The following HNF1B variants were observed in gnomAD, a reference collection of about 807,000 sequenced individuals.
The protein encoded by HNF1B is HNF1 homeobox B, also known as hepatocyte nuclear factor 1-beta.
HNF1B carries 8 observed loss-of-function variants against 61.7 expected under a neutral mutation model. The ratio of observed to expected loss-of-function variants is 0.13; its 90% CI spans 0.08 to 0.23. The LOEUF (loss-of-function observed/expected upper bound fraction) is 0.23, where lower values mean the gene tolerates loss of function less well. Among genes scored for constraint, HNF1B ranks in the 10% least tolerant of loss-of-function variants. The pLI is 1.00. For missense variants in HNF1B, 562 were observed against 714.5 expected (o/e 0.79, Z 2.43); for synonymous variants, 314 against 287.7 (o/e 1.09, Z -0.93).
At chr17:37,729,664 T>C (rs1445918567) in intron 4 of HNF1B, 1 of 152,230 alleles carries the variant, frequency 6.6e-6, no homozygotes, top group Non-Finnish European at 1.5e-5. Context: ...AGCTCGTACA[T>C]CACTAGCATA....
chr17:37,691,333 A>G (rs138574150), intron 8 of HNF1B, among the ~76,000 whole-genome samples: 4 of 152,330 alleles, frequency 2.6e-5, no homozygotes, highest in East Asian at 3.9e-4. Flanking sequence ...ATTAAAAGTC[A>G]TGATTATAAT....
intron 2 of HNF1B, among the ~76,000 whole-genome samples, chr17:37,737,807 T>C (rs1027157719): frequency 6.6e-5 from 10 of 151,962 alleles, no homozygotes; most frequent in Non-Finnish European, 1.0e-4. Flanking sequence ...TGCACTCCAG[T>C]CTGGGTGGCA....
Position 37,744,910 on chromosome 17 carries a change from G to T in HNF1B, c.-26C>A. On this transcript the variant is annotated 5_prime_UTR_variant, in exon 1 of 9. Transcript: ENST00000617811. ...TTTCCAAGGACGGAAAAAGAAGGGG[G>T]TGAGGGGGTGGGTGGGTGCGAGAGA... 1.5e-5 allele frequency: 16 copies of T among 1,049,606 alleles called. No homozygotes were observed. Among genetic ancestry groups the T allele is most frequent in the Non-Finnish European group, 2.0e-5 (14 of 691,748 alleles). 65.0% of individuals were successfully genotyped at this position (1,049,606 alleles called of 1,614,324 possible). A position where few individuals can be genotyped will look rare whatever the true frequency, so the allele number is the denominator to read the frequency against.
intron 4 of HNF1B, chr17:37,731,060 C>T (rs2033665080): frequency 5.3e-6 from 1 of 189,140 alleles, no homozygotes. Flanking sequence ...GACTGACCCC[C>T]ACCAACCCTG....
chr17:37,724,488 T>C (rs565765424), intron 4 of HNF1B, among the ~76,000 whole-genome samples: 6 of 152,276 alleles, frequency 3.9e-5, no homozygotes, highest in Admixed American at 3.3e-4. Context: ...GTCAGCAAAC[T>C]GGTCTGTTGG....
intron 4 of HNF1B, among the ~76,000 whole-genome samples, chr17:37,723,944 T>G (rs1238132181): frequency 6.6e-6 from 1 of 152,176 alleles, no homozygotes; most frequent in Non-Finnish European, 1.5e-5. Context: ...CACACAGCAG[T>G]AAGTGCCAAA....
At position 37,710,562 on chromosome 17, in the gene HNF1B, G is replaced by C. The variant is rs1371242929; in HGVS notation, c.1147C>G (p.Gln383Glu). 6.2e-7 allele frequency: 1 copy of C among 1,614,184 alleles called. No individual in the cohort carries two copies. Among genetic ancestry groups the C allele is most frequent in the South Asian group, 1.1e-5 (1 of 91,086 alleles). The change falls in exon 5 of 9, where the codon CAA becomes GAA. Residue 383 changes from glutamine to glutamate, a missense_variant. By Grantham distance (29) the Gln-to-Glu change is conservative. Transcript: ENST00000617811. ...GGGTCCAGGCTGGCTGGGGAGACTT[G>C]CTGTAAAACCGACTGGCTGGTCACC... ...AMVTSQSVLQQVSPASLDPGH... is the reference protein window; with the variant it reads ...AMVTSQSVLQEVSPASLDPGH...
chr17:37,692,339 A>G (rs114198834), intron 8 of HNF1B, among the ~76,000 whole-genome samples: 2,119 of 152,332 alleles, frequency 0.014, 54 homozygotes, highest in African/African-American at 0.048. Flanking sequence ...ATGGGTGCTT[A>G]AAAGTGGATA....
rs1568628465 is a variant in HNF1B at position 37,687,336 on chromosome 17, CTTG to C, written c.*33_*35del. The C allele has an allele frequency of 3.1e-6, 5 of 1,614,064 alleles. No homozygotes were observed. Among genetic ancestry groups the C allele is most frequent in the South Asian group, 2.2e-5 (2 of 91,086 alleles). On this transcript the variant is annotated 3_prime_UTR_variant, in exon 9 of 9. Transcript: ENST00000617811. Reference sequence around the variant, plus strand: ...GGGTGATGGTGTGGAAAACAGGGTCCTTGTTGTTGCGCACGAAGTAAGTGGTGT... The same window carrying C: ...GGGTGATGGTGTGGAAAACAGGGTCCTTGTTGCGCACGAAGTAAGTGGTGT...
chr17:37,694,345 G>A (rs1216664704), intron 8 of HNF1B, among the ~76,000 whole-genome samples: 1 of 145,312 alleles, frequency 6.9e-6, no homozygotes, highest in Non-Finnish European at 1.5e-5. Context: ...AGAATCGCTT[G>A]AACCTGGGAG....
rs1406754716 is a variant in HNF1B at position 37,744,948 on chromosome 17, G to A, written c.-64C>T. 1.4e-6 allele frequency: 2 copies of A among 1,392,256 alleles called. No homozygotes were observed. The highest frequency in any genetic ancestry group is 2.0e-6 in the Non-Finnish European group (2 of 999,778). The allele number at this position is 1,392,256 out of a possible 1,614,324, so 86.2% of individuals were successfully genotyped here. On this transcript the variant is annotated 5_prime_UTR_variant, in exon 1 of 9. Transcript: ENST00000617811. ...TGGGTGCGAGAGAGGAGGGTGGAGG[G>A]GAGTTTCACAAGCAAACCCCAAATC...
In HNF1B at chr17:37,702,949, G is replaced by C. The variant is rs1448728082; in HGVS notation, c.1340-1772C>G. Among the ~76,000 whole-genome samples the C allele has an allele frequency of 2.6e-5, 4 of 152,224 alleles. No homozygotes were observed. In the East Asian group the frequency reaches 7.7e-4, roughly 29 times the overall value. ...TGTTTCTGGGCACTGGTTCTTGCTT[G>C]GGAAGTATGCTATCCAGTCCAGGGA... On this transcript the variant is annotated intron_variant, in intron 6 of 8. Transcript: ENST00000617811.
rs147752718 is a variant in HNF1B, at chr17:37,741,215, T to C, written c.345-1576A>G. Among the ~76,000 whole-genome samples the C allele has an allele frequency of 9.5e-4, 145 of 152,314 alleles. 4 individuals carry two copies. The Middle Eastern group carries it at 0.031, about 32-fold the overall frequency. ...TTTCTAAATGGCGCCTTTAAATATG[T>C]CAAATAAAATTAATTCTGTTTAATG... On this transcript the variant is annotated intron_variant, in intron 1 of 8. Coordinates refer to ENST00000617811, the MANE Select transcript of HNF1B (RefSeq NM_000458.4).
At chr17:37,698,661 G>A (rs1329386583) in intron 8 of HNF1B, among the ~76,000 whole-genome samples, 1 of 152,084 alleles carries the variant, frequency 6.6e-6, no homozygotes, top group African/African-American at 2.4e-5. Context: ...CACTTTCTCC[G>A]CTGACTACTT....
In HNF1B at chr17:37,733,611, C is replaced by T. The variant is rs529294719; in HGVS notation, c.755G>A (p.Arg252Gln). The T allele has an allele frequency of 1.1e-5, 17 of 1,613,976 alleles. No homozygotes were observed. The highest frequency in any genetic ancestry group is 1.4e-5 in the Non-Finnish European group (16 of 1,180,036). The part of the protein sequence containing the change: ...SQQILYQAYD[R>Q]QKNPSKEERE... ...CTCTTCCTTGCTGGGGTTCTTTTGC[C>T]GATCGTAGGCCTGGTACAAGATTTG... is the stretch of plus-strand genomic sequence containing the variant. Residue 252 changes from arginine (R) to glutamine (Q), a missense_variant, in exon 3 of 9, where the codon CGG (arginine) becomes CAG (glutamine). Physicochemically the swap from Arg to Gln is conservative, Grantham distance 43. Around this residue, in one of 6 missense-constraint regions of HNF1B, gnomAD observed 54 missense variants for 122.1 expected, o/e 0.44. Coordinates refer to ENST00000617811, the MANE Select transcript of HNF1B (RefSeq NM_000458.4).
chr17:37,739,338 G>T lies in HNF1B; in HGVS notation c.544+102C>A, dbSNP rs1348894058. On this transcript the variant is annotated intron_variant, in intron 2 of 8. Coordinates refer to ENST00000617811, the MANE Select transcript of HNF1B (RefSeq NM_000458.4). ...GCCACCTTCCTCATATCTGCCAAGT[G>T]CTCACAAGGCCTTGTCGATGAAAGG... The T allele has an allele frequency of 5.6e-6, 6 of 1,069,924 alleles. No homozygotes were observed. In the East Asian group the frequency reaches 7.1e-5, roughly 13 times the overall value. 66.3% of individuals were successfully genotyped at this position (1,069,924 alleles called of 1,614,324 possible).
chr17:37,732,849 G>GT (rs56385838), intron 3 of HNF1B, among the ~76,000 whole-genome samples: 60,567 of 148,604 alleles, frequency 0.41, 12,806 homozygotes, highest in African/African-American at 0.53. Flanking sequence ...TTGTTTTTTT[G>GT]TTTTTTTTTT....
chr17:37,702,545 C>T (rs868141960), intron 6 of HNF1B, among the ~76,000 whole-genome samples: 6 of 152,314 alleles, frequency 3.9e-5, no homozygotes, highest in Middle Eastern at 3.4e-3. Flanking sequence ...CCCTTTCCTA[C>T]CTCCTGCTTA....
intron 6 of HNF1B, among the ~76,000 whole-genome samples, chr17:37,702,689 G>A (rs2147451564): frequency 6.6e-6 from 1 of 152,342 alleles, no homozygotes; most frequent in South Asian, 2.1e-4. Flanking sequence ...GACATTTGAA[G>A]GCATAGTTCT....
Sources: allele counts gnomAD v4.1 joint callset (sites outside exome capture counted in the v4.1 genomes callset), GRCh38; gene constraint gnomAD v4.1.1; regional missense constraint gnomAD v4.1.1; transcripts MANE v1.5; gene names NCBI Gene and HGNC (gene_info 2026-07-23, HGNC 2026-07-21).